The following GHR variants were observed in gnomAD, a reference collection of about 807,000 sequenced individuals.
GHR encodes GH receptor.
Under a neutral mutation model 67.1 loss-of-function variants are expected in GHR, and 35 were observed. The observed-to-expected ratio is 0.52, with a 90% CI of 0.40 to 0.69. The LOEUF (loss-of-function observed/expected upper bound fraction) is 0.69, where lower values mean the gene tolerates loss of function less well. GHR is among the 30% of genes least tolerant of loss of function. The pLI, the probability that GHR is intolerant of heterozygous loss-of-function variation, is 0.00. For missense variants in GHR, 792 were observed against 764.6 expected (o/e 1.04, Z -0.42); for synonymous variants, 272 against 269.1 (o/e 1.01, Z -0.10).
intron 3 of GHR, among the ~76,000 whole-genome samples, chr5:42,632,737 G>T (rs193281094): frequency 2.7e-4 from 41 of 152,298 alleles, no homozygotes; most frequent in Admixed American, 2.3e-3. Context: ...TTATGCAAAG[G>T]TCAGCCCAGG....
chr5:42,717,133 A>C (rs996170738), intron 8 of GHR, among the ~76,000 whole-genome samples: 5 of 152,164 alleles, frequency 3.3e-5, no homozygotes, highest in Non-Finnish European at 5.9e-5. Context: ...GACTAGAGCA[A>C]GACTCCATTA....
chr5:42,625,213 G>T (rs1753640750), intron 2 of GHR, among the ~76,000 whole-genome samples: 1 of 152,082 alleles, frequency 6.6e-6, no homozygotes, highest in African/African-American at 2.4e-5. Flanking sequence ...GAATGAGTCA[G>T]CTCACTGTCC....
chr5:42,556,044 A>G (rs141927375), intron 1 of GHR, among the ~76,000 whole-genome samples: 5,298 of 152,148 alleles, frequency 0.035, 117 homozygotes, highest in Admixed American at 0.053. Flanking sequence ...TTCCTGGGAG[A>G]TCACATTGCC....
At chr5:42,458,010 T>A (rs1367119023) in intron 1 of GHR, among the ~76,000 whole-genome samples, 1 of 152,222 alleles carries the variant, frequency 6.6e-6, no homozygotes, top group Non-Finnish European at 1.5e-5. Flanking sequence ...ATTTCCTTTT[T>A]CCTAGAAGAT....
At chr5:42,481,133 T>C (rs962816936) in intron 1 of GHR, among the ~76,000 whole-genome samples, 6 of 152,150 alleles carry the variant, frequency 3.9e-5, no homozygotes, top group South Asian at 2.1e-4. Context: ...ATTTTATTTC[T>C]CCTTCACTTA....
At chr5:42,544,388 T>C (rs1048171204) in intron 1 of GHR, among the ~76,000 whole-genome samples, 1 of 152,208 alleles carries the variant, frequency 6.6e-6, no homozygotes, top group Non-Finnish European at 1.5e-5. Flanking sequence ...CTGACAATTG[T>C]TAACAGTGAA....
intron 2 of GHR, among the ~76,000 whole-genome samples, chr5:42,613,386 T>A (rs958775838): frequency 6.6e-6 from 1 of 152,166 alleles, no homozygotes; most frequent in East Asian, 1.9e-4. Flanking sequence ...TGTCTTATAC[T>A]CTACTTCTCA....
chr5:42,549,470 T>C (rs1403042944), intron 1 of GHR: 1 of 152,712 alleles, frequency 6.5e-6, no homozygotes, highest in African/African-American at 2.4e-5. Context: ...GTGATAGAAG[T>C]AGAGAGGAGA....
intron 1 of GHR, among the ~76,000 whole-genome samples, chr5:42,501,928 T>C (rs1369968488): frequency 2.0e-5 from 3 of 152,208 alleles, no homozygotes; most frequent in Non-Finnish European, 2.9e-5. Flanking sequence ...CACAGCAGCT[T>C]TGTTCATGTA....
chr5:42,561,424 T>G (rs949843748), intron 1 of GHR, among the ~76,000 whole-genome samples: 9 of 152,242 alleles, frequency 5.9e-5, no homozygotes, highest in Non-Finnish European at 8.8e-5. Context: ...TTAAAGAGCA[T>G]GAAACATATT....
At chr5:42,504,128 C>A (rs1746654274) in intron 1 of GHR, among the ~76,000 whole-genome samples, 1 of 152,022 alleles carries the variant, frequency 6.6e-6, no homozygotes, top group Non-Finnish European at 1.5e-5. Flanking sequence ...ACATGTTATT[C>A]TTTTGGAGTT....
intron 2 of GHR, among the ~76,000 whole-genome samples, chr5:42,579,161 TAG>T (rs375725987): frequency 6.9e-5 from 8 of 116,508 alleles, no homozygotes; most frequent in South Asian, 2.4e-4. Context: ...TATAGATAGA[TAG>T]ATAGATAGAT....
intron 1 of GHR, among the ~76,000 whole-genome samples, chr5:42,430,760 A>G (rs1260736736): frequency 6.6e-6 from 1 of 151,956 alleles, no homozygotes; most frequent in Non-Finnish European, 1.5e-5. Flanking sequence ...TCCTTTTTTT[A>G]CATTTCAAAC....
chr5:42,464,695 T>A (rs1012535152), intron 1 of GHR, among the ~76,000 whole-genome samples: 3 of 152,204 alleles, frequency 2.0e-5, no homozygotes, highest in Admixed American at 1.3e-4. Context: ...AGAGTTTAAC[T>A]AGGCCATCTT....
At chr5:42,591,798 T>C (rs1019183934) in intron 2 of GHR, among the ~76,000 whole-genome samples, 4 of 152,144 alleles carry the variant, frequency 2.6e-5, no homozygotes, top group Non-Finnish European at 2.9e-5. Flanking sequence ...GTTTGTGTCT[T>C]AAACTGATGT....
chr5:42,548,838 T>A (rs1332306640), intron 1 of GHR, among the ~76,000 whole-genome samples: 1 of 152,226 alleles, frequency 6.6e-6, no homozygotes, highest in Non-Finnish European at 1.5e-5. Flanking sequence ...CTGGTCACCA[T>A]CAAGATATAA....
At chr5:42,582,202 G>A (rs895346314) in intron 2 of GHR, among the ~76,000 whole-genome samples, 4 of 152,268 alleles carry the variant, frequency 2.6e-5, no homozygotes, top group African/African-American at 9.6e-5. Flanking sequence ...GCAGAAGGCA[G>A]ACAGGCTCCT....
chr5:42,701,963 T>G (rs1206593687), intron 6 of GHR, among the ~76,000 whole-genome samples: 1 of 152,194 alleles, frequency 6.6e-6, no homozygotes, highest in Non-Finnish European at 1.5e-5. Context: ...GTATATTTAT[T>G]GTGTACAACA....
chr5:42,661,084 C>T (rs534832560), intron 3 of GHR, among the ~76,000 whole-genome samples: 7 of 152,192 alleles, frequency 4.6e-5, no homozygotes, highest in East Asian at 1.9e-4. Flanking sequence ...AACAAAGCCT[C>T]CAAGAAATAT....
Sources: gnomAD v4.1 joint callset for allele counts (sites outside exome capture counted in the v4.1 genomes callset) on GRCh38, gnomAD v4.1.1 for gene constraint, MANE v1.5 for transcripts, NCBI Gene and HGNC (gene_info 2026-07-23, HGNC 2026-07-21) for gene names.